KCNIP4: variants seen among roughly 807,000 people sequenced by gnomAD.
The protein encoded by KCNIP4 is potassium voltage-gated channel interacting protein 4.
A neutral mutation model predicts 34.0 loss-of-function variants in KCNIP4; 12 were observed. That is an observed-to-expected ratio of 0.35 (90% CI 0.23 to 0.57). The LOEUF (loss-of-function observed/expected upper bound fraction) is 0.57. KCNIP4 is among the 20% of genes least tolerant of loss of function. The probability of loss-of-function intolerance (pLI) is 0.83; values close to 1 mark genes in which losing one functional copy is unlikely to be tolerated. For missense variants in KCNIP4, 238 were observed against 311.7 expected (o/e 0.76, Z 1.78); for synonymous variants, 124 against 102.2 (o/e 1.21, Z -1.29).
At chr4:21,528,905 A>G (rs540638791) in intron 1 of KCNIP4, among the ~76,000 whole-genome samples, 12 of 151,908 alleles carry the variant, frequency 7.9e-5, no homozygotes, top group African/African-American at 2.4e-4. Context: ...GGCAAACACT[A>G]CAGCTAAGCT....
At chr4:21,897,108 A>T (rs997779816) in intron 1 of KCNIP4, among the ~76,000 whole-genome samples, 4 of 152,030 alleles carry the variant, frequency 2.6e-5, no homozygotes, top group Non-Finnish European at 5.9e-5. Flanking sequence ...GCTTTATATA[A>T]GACTTTAAAA....
At chr4:21,813,970 G>C (rs1318961073) in intron 1 of KCNIP4, among the ~76,000 whole-genome samples, 1 of 152,094 alleles carries the variant, frequency 6.6e-6, no homozygotes, top group African/African-American at 2.4e-5. Flanking sequence ...AAAATGCATT[G>C]AGTGTCTCCT....
Position 21,390,239 on chromosome 4 carries a change from C to T in KCNIP4, c.62-507530G>A, listed in dbSNP as rs1722442099. On this transcript the variant is annotated intron_variant, in intron 1 of 8. Transcript: ENST00000382152. Reference sequence around the variant, plus strand: ...ATAAGTAGATTGTAAAAATTGTCTCCCATTCTATAGGTTGCCTGTTCACTC... The same window carrying T: ...ATAAGTAGATTGTAAAAATTGTCTCTCATTCTATAGGTTGCCTGTTCACTC... Among the ~76,000 whole-genome samples the T allele has an allele frequency of 2.0e-5, 3 of 152,026 alleles. No individual in the cohort carries two copies. In the South Asian group the frequency reaches 6.2e-4, roughly 32 times the overall value.
chr4:21,784,926 GCAAA>G (rs1389471750), intron 1 of KCNIP4, among the ~76,000 whole-genome samples: 2 of 152,132 alleles, frequency 1.3e-5, no homozygotes, highest in African/African-American at 2.4e-5. Flanking sequence ...TTTCTTGCAT[GCAAA>G]CAGTCTTTTA....
At chr4:20,856,359 G>A (rs1205090419) in intron 2 of KCNIP4, among the ~76,000 whole-genome samples, 1 of 152,112 alleles carries the variant, frequency 6.6e-6, no homozygotes, top group Non-Finnish European at 1.5e-5. Context: ...TATCTTTCAT[G>A]ATCCAATTTA....
intron 1 of KCNIP4, among the ~76,000 whole-genome samples, chr4:21,129,821 A>C (rs1750923687): frequency 6.6e-6 from 1 of 152,058 alleles, no homozygotes; most frequent in Admixed American, 6.6e-5. Flanking sequence ...TGTCTGATAA[A>C]AGTTGATGTT....
At chr4:20,881,453 A>C (rs1437838144) in intron 2 of KCNIP4, among the ~76,000 whole-genome samples, 1 of 152,204 alleles carries the variant, frequency 6.6e-6, no homozygotes, top group East Asian at 1.9e-4. Flanking sequence ...TTAATGTTGC[A>C]TTTTCTCACT....
intron 1 of KCNIP4, among the ~76,000 whole-genome samples, chr4:21,299,658 A>C (rs959652621): frequency 1.1e-4 from 16 of 152,300 alleles, no homozygotes; most frequent in African/African-American, 3.6e-4. Context: ...TGTGAATTTC[A>C]ACTAAGCTAT....
At position 21,666,013 on chromosome 4, in the gene KCNIP4, A is replaced by T. The variant is rs558433973; in HGVS notation, c.61+282558T>A. On this transcript the variant is annotated intron_variant, in intron 1 of 8. Transcript: ENST00000382152. ...ATCTATTAATTTCAAAAAATCAGTG[A>T]TTAAAGCCAATTTATTTTCCTTGGC... is the stretch of plus-strand genomic sequence containing the variant. Among the ~76,000 whole-genome samples the T allele has an allele frequency of 3.3e-5, 5 of 152,350 alleles. No homozygotes were observed. In the East Asian group the frequency reaches 5.8e-4, roughly 18 times the overall value.
chr4:20,732,036 G>A lies in KCNIP4; in HGVS notation c.675C>T (p.Thr225=). Residue 225 remains threonine, a synonymous_variant, in exon 8 of 9, where the codon ACC becomes ACT. Transcript: ENST00000382152. ...GGCAGCTTTCAATGAACTCATCTAT[G>A]GTAACAACCCCATCTTTATTTTTGT... The part of the protein sequence containing the change: ...KMDKNKDGVV[T]IDEFIESCQK... 6.2e-7 allele frequency: 1 copy of A among 1,613,082 alleles called. No homozygotes were observed. Among genetic ancestry groups the A allele is most frequent in the Non-Finnish European group, 8.5e-7 (1 of 1,179,562 alleles).
chr4:21,465,389 C>T (rs1729831203), intron 1 of KCNIP4, among the ~76,000 whole-genome samples: 2 of 152,114 alleles, frequency 1.3e-5, no homozygotes, highest in Non-Finnish European at 2.9e-5. Context: ...GGATTCTCTA[C>T]ATGCTCCTTT....
chr4:21,422,659 T>G (rs867666075), intron 1 of KCNIP4, among the ~76,000 whole-genome samples: 2 of 147,624 alleles, frequency 1.4e-5, no homozygotes, highest in Non-Finnish European at 3.0e-5. Flanking sequence ...ATGTGTGTGT[T>G]TGTGTGTGTG....
At chr4:20,749,606 CCT>C (rs1352660922) in intron 5 of KCNIP4, 54 bp downstream of exon 5, 2 of 1,227,758 alleles carry the variant, frequency 1.6e-6, no homozygotes, top group African/African-American at 3.0e-5. Context: ...ACATTTTCCC[CCT>C]AAAAAGACTA....
At position 21,948,694 on chromosome 4, in the gene KCNIP4, C is replaced by A. The variant is rs369688019; in HGVS notation, c.-63G>T. ...TCCACCGGCCAGGGGCGTCTGTCCA[C>A]GGGTCTGCACGGGAGCGCACCGCCG... On this transcript the variant is annotated 5_prime_UTR_variant, in exon 1 of 9. Transcript: ENST00000382152. 1.6e-3 allele frequency: 2,534 copies of A among 1,537,902 alleles called. 54 individuals are homozygous for A. In the South Asian group the frequency reaches 0.028, roughly 17 times the overall value.
chr4:21,148,238 A>C (rs749949090), intron 1 of KCNIP4, among the ~76,000 whole-genome samples: 1 of 152,196 alleles, frequency 6.6e-6, no homozygotes, highest in Non-Finnish European at 1.5e-5. Flanking sequence ...TATATGCTTT[A>C]TGACATTGTA....
intron 1 of KCNIP4, among the ~76,000 whole-genome samples, chr4:21,015,016 A>G (rs1378243049): frequency 6.6e-6 from 1 of 152,180 alleles, no homozygotes; most frequent in African/African-American, 2.4e-5. Context: ...CCAGACACAA[A>G]AGGACGAATG....
intron 1 of KCNIP4, among the ~76,000 whole-genome samples, chr4:20,898,337 C>T (rs1256352910): frequency 1.3e-5 from 2 of 152,164 alleles, no homozygotes; most frequent in African/African-American, 4.8e-5. Context: ...TCTATTAGTT[C>T]TGTTTCTTTG....
intron 1 of KCNIP4, among the ~76,000 whole-genome samples, chr4:21,453,464 G>A (rs1728677746): frequency 6.6e-6 from 1 of 151,960 alleles, no homozygotes; most frequent in South Asian, 2.1e-4. Flanking sequence ...AGAACTAAAT[G>A]ATCAGCAGAA....
At chr4:21,487,294 T>A (rs1306287320) in intron 1 of KCNIP4, among the ~76,000 whole-genome samples, 3 of 152,160 alleles carry the variant, frequency 2.0e-5, no homozygotes, top group East Asian at 3.9e-4. Flanking sequence ...TTGTATAATG[T>A]CCTTTAGTTG....
Sources: allele counts gnomAD v4.1 joint callset (sites outside exome capture counted in the v4.1 genomes callset), GRCh38; gene constraint gnomAD v4.1.1; transcripts MANE v1.5; gene names NCBI Gene and HGNC (gene_info 2026-07-23, HGNC 2026-07-21).